Variants in SATB2 observed in about 807,000 individuals in gnomAD.
SATB2 encodes the protein SATB homeobox 2.
A neutral mutation model predicts 73.4 loss-of-function variants in SATB2; 1 was observed. That is an observed-to-expected ratio of 0.01 (90% CI 0.00 to 0.06). SATB2 has a LOEUF of 0.06. SATB2 is among the 10% of genes least tolerant of loss of function. The pLI is 1.00. For missense variants in SATB2, 459 were observed against 945.8 expected (o/e 0.49, Z 6.75); for synonymous variants, 397 against 367.0 (o/e 1.08, Z -0.93).
At chr2:199,289,454 C>T (rs12618312) in intron 10 of SATB2, among the ~76,000 whole-genome samples, 115,878 of 151,998 alleles carry the variant, frequency 0.76, 46,858 homozygotes, top group Non-Finnish European at 0.89. Context: ...GAGGACCATG[C>T]TACTCCCACA....
chr2:199,326,394 C>T (rs186244694), intron 8 of SATB2, among the ~76,000 whole-genome samples: 4 of 152,142 alleles, frequency 2.6e-5, no homozygotes, highest in African/African-American at 7.2e-5. Context: ...TAAAGGGCAT[C>T]TGTATGAATT....
chr2:199,362,238 C>T (rs1689159274), intron 6 of SATB2, among the ~76,000 whole-genome samples: 1 of 152,214 alleles, frequency 6.6e-6, no homozygotes, highest in Non-Finnish European at 1.5e-5. Context: ...TTTCGTACCT[C>T]TGCATCTGTA....
chr2:199,299,848 A>C (rs1340391258), intron 10 of SATB2, among the ~76,000 whole-genome samples: 3 of 152,180 alleles, frequency 2.0e-5, no homozygotes, highest in Non-Finnish European at 2.9e-5. Flanking sequence ...TATCTATACA[A>C]GTATAAAGGA....
At chr2:199,371,859 A>G (rs1421918391) in intron 5 of SATB2, among the ~76,000 whole-genome samples, 1 of 152,206 alleles carries the variant, frequency 6.6e-6, no homozygotes, top group African/African-American at 2.4e-5. Context: ...TATTTTTAAC[A>G]CTTAAACCGA....
At chr2:199,459,150 G>A (rs1692399275), upstream of SATB2, among the ~76,000 whole-genome samples, 1 of 152,048 alleles carries the variant, frequency 6.6e-6, no homozygotes, top group Admixed American at 6.5e-5. This position sits in a 1 kb window ranked among gnomAD's most constrained non-coding sequence, Gnocchi z 4.2. Context: ...CTGTCCTCGG[G>A]CTACAGGACT....
intron 7 of SATB2, among the ~76,000 whole-genome samples, chr2:199,346,569 TAAAG>T (rs1688657526): frequency 6.6e-6 from 1 of 152,172 alleles, no homozygotes; most frequent in Non-Finnish European, 1.5e-5. Context: ...CACTTTCGAA[TAAAG>T]AGAGAAAAAA....
intron 10 of SATB2, among the ~76,000 whole-genome samples, chr2:199,277,013 G>A (rs1222791675): frequency 6.6e-6 from 1 of 152,082 alleles, no homozygotes; most frequent in African/African-American, 2.4e-5. Flanking sequence ...CACAAACATA[G>A]ATAAAAACAG....
intron 10 of SATB2, among the ~76,000 whole-genome samples, chr2:199,288,768 G>T (rs572194093): frequency 6.7e-6 from 1 of 149,042 alleles, no homozygotes; most frequent in African/African-American, 2.5e-5. Flanking sequence ...TCTGGTAAAA[G>T]AAAAAAAAAA....
At chr2:199,303,235 A>T (rs2105760669) in intron 10 of SATB2, among the ~76,000 whole-genome samples, 1 of 152,302 alleles carries the variant, frequency 6.6e-6, no homozygotes, top group African/African-American at 2.4e-5. Context: ...CATCTGTGAA[A>T]GTATTAATAG....
At position 199,323,790 on chromosome 2, in the gene SATB2, A is replaced by T. The variant is rs1046713591; in HGVS notation, c.1542+13T>A. On this transcript the variant is annotated intron_variant, in intron 9 of 10. Coordinates refer to ENST00000417098, the MANE Select transcript of SATB2 (RefSeq NM_001172509.2). ...TTCCAGCCCTCGATTTTGCTTTTTT[A>T]AAAACCACTCACCTGACTTTTATTT... The T allele has an allele frequency of 1.1e-5, 18 of 1,613,136 alleles. No homozygotes were observed. Among genetic ancestry groups the T allele is most frequent in the Non-Finnish European group, 1.5e-5 (18 of 1,179,442 alleles).
At chr2:199,328,956 A>T in intron 7 of SATB2, 46 bp from the exon 8 acceptor site, 1 of 1,479,868 alleles carries the variant, frequency 6.8e-7, no homozygotes, top group South Asian at 1.2e-5. Context: ...ATTTGCAGGT[A>T]TATGTGTGTG....
At chr2:199,456,732 C>G (rs1692287342) in intron 1 of SATB2, among the ~76,000 whole-genome samples, 1 of 152,214 alleles carries the variant, frequency 6.6e-6, no homozygotes. Flanking sequence ...ACCTCCATCA[C>G]AAAGGCGGGC....
chr2:199,462,823 C>A (rs950194655), upstream of SATB2, among the ~76,000 whole-genome samples: 19 of 152,084 alleles, frequency 1.2e-4, no homozygotes, highest in African/African-American at 4.6e-4. The surrounding 1 kb of genome is among the most constrained non-coding windows in gnomAD (Gnocchi z 5.9). Flanking sequence ...CGAGTCTGCG[C>A]TAGGCGGTGA....
Position 199,463,585 on chromosome 2 carries a change from G to A in SATB2, c.-141+1251C>T, listed in dbSNP as rs915821226. Among the ~76,000 whole-genome samples, 1 of 152,182 alleles carries A rather than the reference G, an allele frequency of 6.6e-6. No individual in the cohort carries two copies. Among genetic ancestry groups the A allele is most frequent in the African/African-American group, 2.4e-5 (1 of 41,464 alleles). ...CCGACAGCGCCACCGCGTGGGCTGA[G>A]GCCGAAACCTTCGGCGCCGGCTCTG... On this transcript the variant is annotated intron_variant, in intron 1 of 11. Transcript: ENST00000260926. This position sits in a 1 kb window ranked among gnomAD's most constrained non-coding sequence, Gnocchi z 6.4.
intron 3 of SATB2, among the ~76,000 whole-genome samples, chr2:199,392,267 C>G (rs1390015413): frequency 6.6e-6 from 1 of 150,774 alleles, no homozygotes; most frequent in Non-Finnish European, 1.5e-5. Context: ...TTTTTCCCTT[C>G]AATTCACTGG....
upstream of SATB2, among the ~76,000 whole-genome samples, chr2:199,461,883 C>T (rs1692483547): frequency 6.6e-6 from 1 of 152,206 alleles, no homozygotes; most frequent in South Asian, 2.1e-4. Context: ...CTTGATTTCT[C>T]TTTGTCGACA....
At chr2:199,291,413 G>A (rs1183823403) in intron 10 of SATB2, among the ~76,000 whole-genome samples, 1 of 152,072 alleles carries the variant, frequency 6.6e-6, no homozygotes, top group Admixed American at 6.5e-5. Context: ...AAACTCTAGA[G>A]GCCAAATATG....
At chr2:199,461,174 A>C (rs1158008722), upstream of SATB2, among the ~76,000 whole-genome samples, 1 of 152,214 alleles carries the variant, frequency 6.6e-6, no homozygotes, top group Non-Finnish European at 1.5e-5. Context: ...GAGTTCTAGG[A>C]AGTTTTGTGA....
exon 1 of SATB2, chr2:199,471,146 T>G (rs1363688209): frequency 6.6e-6 from 1 of 152,180 alleles, no homozygotes; most frequent in Non-Finnish European, 1.5e-5. Context: ...CTGGGGAGGG[T>G]TGTGCGGACT....
Sources: allele counts gnomAD v4.1 joint callset (sites outside exome capture counted in the v4.1 genomes callset), GRCh38; gene constraint gnomAD v4.1.1; non-coding constraint Gnocchi (gnomAD v3.1); transcripts MANE v1.5; gene names NCBI Gene and HGNC (gene_info 2026-07-23, HGNC 2026-07-21).